RALGAPA2: variants seen among roughly 807,000 people sequenced by gnomAD.
The protein encoded by RALGAPA2 is Ral GTPase activating protein catalytic subunit alpha 2, also known as ral GTPase-activating protein subunit alpha-2.
Under a neutral mutation model 230.4 loss-of-function variants are expected in RALGAPA2, and 139 were observed. The ratio of observed to expected loss-of-function variants is 0.60; its 90% confidence interval spans 0.53 to 0.69. The LOEUF is 0.69. Ranked by LOEUF, RALGAPA2 falls within the 30% of genes least tolerant of loss-of-function variation. The pLI, the probability that RALGAPA2 is intolerant of heterozygous loss-of-function variation, is 0.00. For synonymous variants in RALGAPA2, 847 were observed against 837.8 expected, an observed-to-expected ratio of 1.01 and a Z score of -0.19; for missense variants, 2,163 against 2,276.0, an observed-to-expected ratio of 0.95 and a Z score of 1.01.
chr20:20,654,811 A>G (rs773350139), intron 3 of RALGAPA2, among the ~76,000 whole-genome samples: 1 of 152,092 alleles, frequency 6.6e-6, no homozygotes, highest in Non-Finnish European at 1.5e-5. Flanking sequence ...TTTTTTGAGG[A>G]ACTTCCATAT....
chr20:20,422,190 G>A (rs2060291310), intron 37 of RALGAPA2, among the ~76,000 whole-genome samples: 1 of 152,106 alleles, frequency 6.6e-6, no homozygotes, highest in Non-Finnish European at 1.5e-5. Context: ...TGATAAAAAT[G>A]TTGTGGAATT....
intron 23 of RALGAPA2, among the ~76,000 whole-genome samples, chr20:20,547,639 G>A (rs1000756077): frequency 2.6e-5 from 4 of 152,132 alleles, no homozygotes; most frequent in African/African-American, 9.7e-5. Context: ...ATCTGTGCAA[G>A]CGTGTTTGTG....
At chr20:20,585,889 C>T (rs1252524362) in intron 18 of RALGAPA2, among the ~76,000 whole-genome samples, 1 of 151,750 alleles carries the variant, frequency 6.6e-6, no homozygotes, top group Non-Finnish European at 1.5e-5. Context: ...AAGAATGCCC[C>T]ACAAATGTTG....
At chr20:20,697,645 C>T (rs1025211538) in intron 1 of RALGAPA2, among the ~76,000 whole-genome samples, 2 of 152,050 alleles carry the variant, frequency 1.3e-5, no homozygotes, top group South Asian at 2.1e-4. Flanking sequence ...CCTCACCCAG[C>T]GATTGGTACA....
intron 9 of RALGAPA2, among the ~76,000 whole-genome samples, chr20:20,633,393 C>G (rs1416352846): frequency 6.6e-6 from 1 of 152,166 alleles, no homozygotes; most frequent in Non-Finnish European, 1.5e-5. Flanking sequence ...TCTTGGCCTC[C>G]CAAAGTGCTG....
chr20:20,453,686 A>G (rs901833539), intron 37 of RALGAPA2, among the ~76,000 whole-genome samples: 2 of 152,194 alleles, frequency 1.3e-5, no homozygotes, highest in African/African-American at 4.8e-5. Context: ...CCATGAGGAA[A>G]CTGTGCACTG....
intron 19 of RALGAPA2, 93 bp from the exon 20 acceptor site, chr20:20,583,319 C>G: frequency 1.5e-6 from 2 of 1,305,372 alleles, no homozygotes; most frequent in East Asian, 4.8e-5. Context: ...AAACAAACAG[C>G]AGACACAGTA....
chr20:20,412,704 CTA>C (rs1051899771), intron 37 of RALGAPA2, among the ~76,000 whole-genome samples: 2 of 152,042 alleles, frequency 1.3e-5, no homozygotes, highest in Non-Finnish European at 2.9e-5. Context: ...ATAAGAACTA[CTA>C]TGTGAGAGAA....
intron 37 of RALGAPA2, among the ~76,000 whole-genome samples, chr20:20,451,516 T>A (rs1279158929): frequency 6.6e-6 from 1 of 152,222 alleles, no homozygotes; most frequent in Non-Finnish European, 1.5e-5. Flanking sequence ...CACTTACTGA[T>A]CCATAATTAG....
intron 38 of RALGAPA2, among the ~76,000 whole-genome samples, chr20:20,399,076 G>A (rs2059777175): frequency 6.6e-6 from 1 of 152,204 alleles, no homozygotes; most frequent in South Asian, 2.1e-4. Flanking sequence ...CGGGCACGGT[G>A]GCTCACGCCT....
At chr20:20,484,101 G>C (rs976194057) in intron 36 of RALGAPA2, among the ~76,000 whole-genome samples, 2 of 152,112 alleles carry the variant, frequency 1.3e-5, no homozygotes, top group Non-Finnish European at 2.9e-5. Flanking sequence ...GAATTAAGAG[G>C]GTGTGTTTGT....
chr20:20,609,751 G>A (rs889139225), intron 14 of RALGAPA2, among the ~76,000 whole-genome samples: 2 of 152,186 alleles, frequency 1.3e-5, no homozygotes, highest in African/African-American at 4.8e-5. Flanking sequence ...ACAGTGAGAC[G>A]CTTCGCTGAG....
At chr20:20,626,855 C>T (rs1488826830) in intron 10 of RALGAPA2, among the ~76,000 whole-genome samples, 2 of 152,198 alleles carry the variant, frequency 1.3e-5, no homozygotes, top group Non-Finnish European at 2.9e-5. Flanking sequence ...GCTACCATAG[C>T]AGAGTTTAGC....
chr20:20,545,594 A>C (rs755293023), intron 24 of RALGAPA2, among the ~76,000 whole-genome samples: 18 of 152,224 alleles, frequency 1.2e-4, no homozygotes, highest in Non-Finnish European at 1.9e-4. Context: ...AACAAGATTT[A>C]GGTTGTTGGA....
intron 37 of RALGAPA2, chr20:20,471,392 A>G (rs970821464): frequency 6.7e-6 from 1 of 149,744 alleles, no homozygotes; most frequent in Admixed American, 6.7e-5. Flanking sequence ...ATAAAATGGA[A>G]TTTTCTCATT....
At chr20:20,442,477 T>C (rs1045341371) in intron 37 of RALGAPA2, among the ~76,000 whole-genome samples, 1 of 152,246 alleles carries the variant, frequency 6.6e-6, no homozygotes, top group African/African-American at 2.4e-5. Flanking sequence ...ACAAACAAAT[T>C]AAAACTCAAA....
chr20:20,509,898 T>A (rs1041421576), intron 33 of RALGAPA2, among the ~76,000 whole-genome samples: 2 of 152,148 alleles, frequency 1.3e-5, no homozygotes, highest in Admixed American at 1.3e-4. Context: ...ATCTTCCAAG[T>A]GTTTAAAAGA....
chr20:20,711,890 A>C (rs1220039031), intron 1 of RALGAPA2, among the ~76,000 whole-genome samples: 1 of 152,154 alleles, frequency 6.6e-6, no homozygotes, highest in Admixed American at 6.5e-5. Context: ...TCACACTCAA[A>C]AGTAAAAATA....
chr20:20,450,357 G>A (rs1303261674), intron 37 of RALGAPA2, among the ~76,000 whole-genome samples: 6 of 152,168 alleles, frequency 3.9e-5, no homozygotes, highest in Non-Finnish European at 8.8e-5. Context: ...ATCAAAACGG[G>A]AATACTTTCC....
Sources: gnomAD v4.1 joint callset for allele counts (sites outside exome capture counted in the v4.1 genomes callset) on GRCh38, gnomAD v4.1.1 for gene constraint, MANE v1.5 for transcripts, NCBI Gene and HGNC (gene_info 2026-07-23, HGNC 2026-07-21) for gene names.